The following TNRC6A variants were observed in gnomAD, a reference collection of about 807,000 sequenced individuals.
TNRC6A encodes trinucleotide repeat-containing gene 6A protein.
Under a neutral mutation model 221.2 loss-of-function variants are expected in TNRC6A, and 44 were observed. That is an observed-to-expected ratio of 0.20 (90% CI 0.16 to 0.26). TNRC6A has a LOEUF of 0.26. TNRC6A is among the 10% of genes least tolerant of loss of function. The pLI is 1.00. For synonymous variants in TNRC6A, 847 were observed against 838.5 expected (o/e 1.01, Z -0.18); for missense variants, 2,199 against 2,404.4 (o/e 0.91, Z 1.79).
chr16:24,805,863 G>A, intron 15 of TNRC6A, 130 bp downstream of exon 15: 1 of 1,206,780 alleles, frequency 8.3e-7, no homozygotes, highest in East Asian at 2.3e-5. Flanking sequence ...GGAGCTTACA[G>A]TCTATCGGGG....
chr16:24,794,764 G>A (rs992555872), intron 8 of TNRC6A, 45 bp downstream of exon 8: 3 of 1,559,642 alleles, frequency 1.9e-6, no homozygotes, highest in Non-Finnish European at 2.6e-6. Flanking sequence ...AAATTCCAAA[G>A]GTAGTTTACC....
At chr16:24,798,076 C>T (rs2058257209) in intron 11 of TNRC6A, 110 bp downstream of exon 11, 1 of 831,956 alleles carries the variant, frequency 1.2e-6, no homozygotes, top group Non-Finnish European at 1.9e-6. Context: ...AGGCTGTGCT[C>T]TCCAATAGAC....
chr16:24,611,349 G>A (rs541795656), intron 1 of TNRC6A, among the ~76,000 whole-genome samples: 7 of 152,248 alleles, frequency 4.6e-5, no homozygotes, highest in Admixed American at 3.3e-4. Flanking sequence ...CTGTGTGTAC[G>A]TGCGTGCACA....
chr16:24,622,529 G>A (rs1195727406), intron 1 of TNRC6A, among the ~76,000 whole-genome samples: 1 of 152,160 alleles, frequency 6.6e-6, no homozygotes, highest in Non-Finnish European at 1.5e-5. Flanking sequence ...AGGAGGCAGA[G>A]GTTGCAGTGA....
chr16:24,664,812 C>G (rs866928831), intron 2 of TNRC6A: 1 of 439,614 alleles, frequency 2.3e-6, no homozygotes. Context: ...CACACACACA[C>G]AAAACCTATA....
intron 2 of TNRC6A, among the ~76,000 whole-genome samples, chr16:24,681,491 A>T (rs1354291873): frequency 6.6e-6 from 1 of 152,160 alleles, no homozygotes; most frequent in African/African-American, 2.4e-5. Flanking sequence ...GCCTCCCAGA[A>T]TGCTAGGATT....
At chr16:24,795,973 C>T in intron 9 of TNRC6A, 34 bp downstream of exon 9, 2 of 1,611,776 alleles carry the variant, frequency 1.2e-6, no homozygotes, top group African/African-American at 1.3e-5. Context: ...TCCTTTGTTT[C>T]TACTAGTAAA....
chr16:24,633,228 C>T (rs1425698646), intron 1 of TNRC6A, among the ~76,000 whole-genome samples: 1 of 152,070 alleles, frequency 6.6e-6, no homozygotes, highest in African/African-American at 2.4e-5. Context: ...TGGTTTACTC[C>T]TTTGTAGGTT....
intron 2 of TNRC6A, among the ~76,000 whole-genome samples, chr16:24,655,726 T>C (rs1429087597): frequency 2.6e-5 from 4 of 152,040 alleles, no homozygotes; most frequent in South Asian, 2.1e-4. Flanking sequence ...ATATAAGAAT[T>C]GTTGACAAAA....
At chr16:24,752,266 C>T (rs890604295) in intron 3 of TNRC6A, among the ~76,000 whole-genome samples, 1 of 152,150 alleles carries the variant, frequency 6.6e-6, no homozygotes, top group African/African-American at 2.4e-5. Flanking sequence ...GATTGACTCG[C>T]AGGTTCCAGA....
At chr16:24,752,882 G>T (rs766541216) in intron 3 of TNRC6A, among the ~76,000 whole-genome samples, 3 of 152,178 alleles carry the variant, frequency 2.0e-5, no homozygotes, top group African/African-American at 4.8e-5. Context: ...GGCTAGAGAA[G>T]AGGCCTAAGA....
At chr16:24,718,215 G>A (rs1241902712) in intron 2 of TNRC6A, among the ~76,000 whole-genome samples, 1 of 152,196 alleles carries the variant, frequency 6.6e-6, no homozygotes. Context: ...GGCAGTGCCT[G>A]GATAAAATGA....
At chr16:24,709,577 A>G (rs1265756432) in intron 2 of TNRC6A, among the ~76,000 whole-genome samples, 3 of 151,916 alleles carry the variant, frequency 2.0e-5, no homozygotes, top group Non-Finnish European at 4.4e-5. Flanking sequence ...TAATCTTAGC[A>G]CTTTGGGAGG....
intron 2 of TNRC6A, among the ~76,000 whole-genome samples, chr16:24,712,123 T>G (rs141473866): frequency 5.3e-5 from 8 of 152,270 alleles, no homozygotes; most frequent in African/African-American, 1.7e-4. Flanking sequence ...CCTAATACCA[T>G]TTTATTCCTT....
At chr16:24,750,095 A>G (rs1311511950) in intron 2 of TNRC6A, among the ~76,000 whole-genome samples, 3 of 152,196 alleles carry the variant, frequency 2.0e-5, no homozygotes, top group Non-Finnish European at 4.4e-5. Context: ...AGCAGAGATC[A>G]TGCCACTGCA....
intron 2 of TNRC6A, among the ~76,000 whole-genome samples, chr16:24,740,188 T>G (rs2056862100): frequency 6.6e-6 from 1 of 152,242 alleles, no homozygotes; most frequent in Non-Finnish European, 1.5e-5. Flanking sequence ...AGCTTTGTTG[T>G]AATAAGTTTG....
Position 24,804,544 on chromosome 16 carries a change from T to G in TNRC6A, c.3838-161T>G, listed in dbSNP as rs1004373753. 9.8e-6 allele frequency: 12 copies of G among 1,223,830 alleles called. No homozygotes were observed. In the East Asian group the frequency reaches 2.9e-4, roughly 30 times the overall value. The allele number at this position is 1,223,830 out of a possible 1,614,324, so 75.8% of individuals were successfully genotyped here. A position where few individuals can be genotyped will look rare whatever the true frequency, so the allele number is the denominator to read the frequency against. ...CCCATGAAATATGTTTGGCTCTTTT[T>G]GTGTGCTCTAGAATTAACACTAATC... On this transcript the variant is annotated intron_variant, in intron 12 of 24. Transcript: ENST00000395799.
chr16:24,762,276 T>C (rs1341306468), intron 4 of TNRC6A, among the ~76,000 whole-genome samples: 1 of 152,226 alleles, frequency 6.6e-6, no homozygotes, highest in Non-Finnish European at 1.5e-5. Context: ...TAATATTTGT[T>C]TTTCTGTCAA....
chr16:24,642,681 A>G (rs1902014035), intron 2 of TNRC6A, among the ~76,000 whole-genome samples: 2 of 152,002 alleles, frequency 1.3e-5, no homozygotes. Context: ...TTAGCCAGGC[A>G]TGGTGGCACG....
Sources: allele counts gnomAD v4.1 joint callset (sites outside exome capture counted in the v4.1 genomes callset), GRCh38; gene constraint gnomAD v4.1.1; transcripts MANE v1.5; gene names NCBI Gene and HGNC (gene_info 2026-07-23, HGNC 2026-07-21).